The following ERBIN variants were observed in gnomAD, a reference collection of about 807,000 sequenced individuals.
ERBIN encodes the protein densin-180-like protein.
Under a neutral mutation model 158.4 loss-of-function variants are expected in ERBIN, and 60 were observed. The observed-to-expected ratio is 0.38, with a 90% CI of 0.31 to 0.47. ERBIN has a LOEUF of 0.47. Ranked by LOEUF, ERBIN falls within the 20% of genes least tolerant of loss-of-function variation. ERBIN has a pLI of 0.99. For synonymous variants in ERBIN, 594 were observed against 557.2 expected, an observed-to-expected ratio of 1.07 and a Z score of -0.93; for missense variants, 1,610 against 1,648.0, an observed-to-expected ratio of 0.98 and a Z score of 0.40.
At position 65,992,883 on chromosome 5, in the gene ERBIN, T is replaced by C; in HGVS notation, c.165T>C (p.Ala55=). 1 of 1,605,346 alleles carries C rather than the reference T, an allele frequency of 6.2e-7. No homozygotes were observed. The highest frequency in any genetic ancestry group is 8.5e-7 in the Non-Finnish European group (1 of 1,177,410). ...CCTTGGAGGAACTCTATTTAGATGC[T>C]AATCAGATTGAAGAGCTTCCAAAGG... ...EKTLEELYLD[A]NQIEELPKQL... The change falls in exon 3 of 26, where the codon GCT becomes GCC. Residue 55 remains alanine, a synonymous_variant. Coordinates refer to ENST00000284037, the MANE Select transcript of ERBIN (RefSeq NM_001253697.2).
intron 4 of ERBIN, among the ~76,000 whole-genome samples, chr5:66,009,089 C>T (rs1014288099): frequency 6.6e-6 from 1 of 152,202 alleles, no homozygotes; most frequent in African/African-American, 2.4e-5. Flanking sequence ...TCCACATTGG[C>T]GTCTGAGCAT....
At chr5:66,063,227 G>A (rs1054984358) in intron 21 of ERBIN, among the ~76,000 whole-genome samples, 3 of 152,210 alleles carry the variant, frequency 2.0e-5, no homozygotes, top group Non-Finnish European at 2.9e-5. Context: ...ACCTACTCAA[G>A]CCTGGGCAAT....
chr5:66,016,248 T>C (rs1754700982), intron 7 of ERBIN, among the ~76,000 whole-genome samples: 1 of 152,208 alleles, frequency 6.6e-6, no homozygotes, highest in South Asian at 2.1e-4. Flanking sequence ...GATAGTTCCT[T>C]AGCTAAAAAT....
At chr5:65,975,455 G>A (rs1290096626) in intron 1 of ERBIN, among the ~76,000 whole-genome samples, 2 of 152,000 alleles carry the variant, frequency 1.3e-5, no homozygotes, top group African/African-American at 2.4e-5. Flanking sequence ...ATGGGTGCCC[G>A]GCATCACGCC....
At chr5:66,015,854 A>G (rs1179234441) in intron 7 of ERBIN, among the ~76,000 whole-genome samples, 1 of 152,138 alleles carries the variant, frequency 6.6e-6, no homozygotes, top group East Asian at 1.9e-4. Flanking sequence ...CAAACAAGCA[A>G]ACTTCTCACC....
intron 4 of ERBIN, among the ~76,000 whole-genome samples, chr5:66,006,937 T>C (rs1473553737): frequency 6.0e-5 from 9 of 149,636 alleles, no homozygotes; most frequent in African/African-American, 2.3e-4. Context: ...TTTACACTGT[T>C]GGTGGGACTG....
intron 10 of ERBIN, among the ~76,000 whole-genome samples, chr5:66,025,132 T>C (rs150831328): frequency 6.6e-6 from 1 of 152,248 alleles, no homozygotes; most frequent in East Asian, 1.9e-4. Flanking sequence ...TTCTTTAGTC[T>C]ATTAATTTAA....
At chr5:65,932,583 C>CT (rs1312231097) in intron 1 of ERBIN, among the ~76,000 whole-genome samples, 2 of 152,098 alleles carry the variant, frequency 1.3e-5, no homozygotes, top group South Asian at 4.1e-4. Context: ...CTTCCAGGGC[C>CT]TATGGACTGC....
chr5:65,934,425 C>T (rs1561261906), intron 1 of ERBIN, among the ~76,000 whole-genome samples: 1 of 151,832 alleles, frequency 6.6e-6, no homozygotes, highest in African/African-American at 2.4e-5. Flanking sequence ...ATTTCTTTCT[C>T]TTTTTTTTCA....
At chr5:65,985,966 A>T (rs1751184180) in intron 1 of ERBIN, among the ~76,000 whole-genome samples, 1 of 151,420 alleles carries the variant, frequency 6.6e-6, no homozygotes, top group Non-Finnish European at 1.5e-5. Flanking sequence ...AGAATATCAC[A>T]CTTTTTCTCT....
At chr5:66,056,157 T>C (rs1013241861) in intron 21 of ERBIN, among the ~76,000 whole-genome samples, 1 of 152,204 alleles carries the variant, frequency 6.6e-6, no homozygotes, top group African/African-American at 2.4e-5. Context: ...GATTGAGTTA[T>C]GATGCCGTTT....
Position 66,040,877 on chromosome 5 carries a change from A to G in ERBIN, c.1307-2200A>G, listed in dbSNP as rs115145636. Reference sequence around the variant, plus strand: ...AAAAGAGGAAAAAAAGAAAGATTCTAAAGGTAGATAGTGATGAATAAATAT... The same window carrying G: ...AAAAGAGGAAAAAAAGAAAGATTCTGAAGGTAGATAGTGATGAATAAATAT... On this transcript the variant is annotated intron_variant, in intron 15 of 25. Coordinates refer to ENST00000284037, the MANE Select transcript of ERBIN (RefSeq NM_001253697.2). Among the ~76,000 whole-genome samples the G allele has an allele frequency of 7.8e-3, 1,189 of 151,910 alleles. 9 individuals carry two copies. The highest frequency in any genetic ancestry group is 0.012 in the Non-Finnish European group (792 of 67,768).
At chr5:66,039,025 C>CGTGTGTGTGT (rs149165726) in intron 15 of ERBIN, among the ~76,000 whole-genome samples, 3,959 of 148,782 alleles carry the variant, frequency 0.027, 176 homozygotes, top group African/African-American at 0.093. Flanking sequence ...GTACTCTCTG[C>CGTGTGTGTGT]GTGTGTGTGT....
rs7356638 is a variant in ERBIN, at chr5:66,078,665, A to G, written c.*135A>G. ...ATGTTCAAATTTGTACATTAATGAA[A>G]TAATGGAACTTGTGGTTAGAGGGAA... is the stretch of plus-strand genomic sequence containing the variant. On this transcript the variant is annotated 3_prime_UTR_variant, in exon 26 of 26. Coordinates refer to ENST00000284037, the MANE Select transcript of ERBIN (RefSeq NM_001253697.2). The G allele has an allele frequency of 0.019, 12,033 of 639,806 alleles. 1,141 individuals are homozygous for G. The African/African-American group carries it at 0.2, about 11-fold the overall frequency. 39.6% of individuals were successfully genotyped at this position (639,806 alleles called of 1,614,324 possible).
chr5:66,030,562 CTTTT>C (rs766454675), intron 14 of ERBIN, among the ~76,000 whole-genome samples: 5 of 128,322 alleles, frequency 3.9e-5, no homozygotes, highest in Non-Finnish European at 5.0e-5. Context: ...ACAGTAGCAC[CTTTT>C]TTTTTTTTTT....
intron 10 of ERBIN, among the ~76,000 whole-genome samples, chr5:66,024,802 G>T (rs1454314345): frequency 6.6e-6 from 1 of 152,080 alleles, no homozygotes; most frequent in African/African-American, 2.4e-5. Context: ...AAACAGATCA[G>T]TTGAACAGAT....
chr5:65,955,213 G>A (rs1746959712), intron 1 of ERBIN, among the ~76,000 whole-genome samples: 1 of 152,072 alleles, frequency 6.6e-6, no homozygotes, highest in Admixed American at 6.6e-5. Flanking sequence ...GCACATAGGG[G>A]GGCCAACAAG....
At chr5:65,933,717 C>A (rs1743729281) in intron 1 of ERBIN, among the ~76,000 whole-genome samples, 1 of 152,072 alleles carries the variant, frequency 6.6e-6, no homozygotes, top group African/African-American at 2.4e-5. Flanking sequence ...ACTTTGTATT[C>A]TTTATAAATT....
chr5:65,987,173 G>T (rs1039425915), intron 1 of ERBIN, among the ~76,000 whole-genome samples: 1 of 152,060 alleles, frequency 6.6e-6, no homozygotes, highest in African/African-American at 2.4e-5. Flanking sequence ...CCCATTTCTT[G>T]TTTACCCCTC....
Sources: gnomAD v4.1 joint callset for allele counts (sites outside exome capture counted in the v4.1 genomes callset) on GRCh38, gnomAD v4.1.1 for gene constraint, MANE v1.5 for transcripts, NCBI Gene and HGNC (gene_info 2026-07-23, HGNC 2026-07-21) for gene names.